DAPK1: variants seen among roughly 807,000 people sequenced by gnomAD.
DAPK1 encodes the protein death associated protein kinase 1, also known as death-associated protein kinase 1.
DAPK1 carries 56 observed loss-of-function variants against 144.9 expected under a neutral mutation model. The observed-to-expected ratio is 0.39, with a 90% CI of 0.31 to 0.48. DAPK1 has a LOEUF of 0.48. DAPK1 is among the 20% of genes least tolerant of loss of function. The pLI, the probability that DAPK1 is intolerant of heterozygous loss-of-function variation, is 0.95. For synonymous variants in DAPK1, 690 were observed against 749.0 expected (o/e 0.92, Z 1.29); for missense variants, 1,454 against 1,875.4 (o/e 0.78, Z 4.15).
At chr9:87,591,963 G>GTGTA (rs1564011622) in intron 2 of DAPK1, among the ~76,000 whole-genome samples, 1 of 152,206 alleles carries the variant, frequency 6.6e-6, no homozygotes, top group East Asian at 1.9e-4. Context: ...GGTGATACAC[G>GTGTA]TGTAACTAGA....
chr9:87,693,395 C>T (rs1315420954), intron 21 of DAPK1, among the ~76,000 whole-genome samples: 1 of 151,588 alleles, frequency 6.6e-6, no homozygotes, highest in Non-Finnish European at 1.5e-5. Flanking sequence ...CTGTTTTATT[C>T]AAGAAGTTCT....
At chr9:87,602,342 C>T (rs530309531) in intron 2 of DAPK1, among the ~76,000 whole-genome samples, 2 of 152,264 alleles carry the variant, frequency 1.3e-5, no homozygotes, top group South Asian at 4.1e-4. Flanking sequence ...GGGGACCCTG[C>T]AGTGTGAGTG....
At chr9:87,594,703 C>T (rs750352221) in intron 2 of DAPK1, among the ~76,000 whole-genome samples, 1 of 152,218 alleles carries the variant, frequency 6.6e-6, no homozygotes, top group Non-Finnish European at 1.5e-5. Flanking sequence ...ACCCAAAATA[C>T]CCAGCCCCAC....
At chr9:87,564,230 T>TC (rs1435400351) in intron 2 of DAPK1, among the ~76,000 whole-genome samples, 1 of 152,158 alleles carries the variant, frequency 6.6e-6, no homozygotes, top group Non-Finnish European at 1.5e-5. Context: ...CTGACTCAGA[T>TC]CCTGGCACAC....
intron 18 of DAPK1, among the ~76,000 whole-genome samples, chr9:87,659,682 C>T (rs1830762225): frequency 6.6e-6 from 1 of 152,178 alleles, no homozygotes; most frequent in Admixed American, 6.5e-5. Context: ...TCAGGTCCCT[C>T]CGTGCACCTC....
intron 2 of DAPK1, among the ~76,000 whole-genome samples, chr9:87,590,382 AAAAGAAAAG>A (rs1352772662): frequency 6.8e-6 from 1 of 147,648 alleles, no homozygotes; most frequent in Non-Finnish European, 1.5e-5. Context: ...AAAAAAAAAA[AAAAGAAAAG>A]AAAAGAAAAG....
chr9:87,632,919 T>TATATATATATATATATAC (rs1829755122), intron 3 of DAPK1: 1 of 931,594 alleles, frequency 1.1e-6, no homozygotes, highest in Non-Finnish European at 1.3e-6. Context: ...TATATATATA[T>TATATATATATATATATAC]ATAAATGAAG....
intron 17 of DAPK1, among the ~76,000 whole-genome samples, chr9:87,654,439 A>G (rs1340791893): frequency 1.3e-5 from 2 of 152,228 alleles, no homozygotes; most frequent in Non-Finnish European, 2.9e-5. Flanking sequence ...TTATACTTTT[A>G]TGTACACTTA....
At chr9:87,525,556 T>G in intron 2 of DAPK1, 1 of 949,614 alleles carries the variant, frequency 1.1e-6, no homozygotes, top group Non-Finnish European at 1.6e-6. Context: ...AATAAACATT[T>G]GAAAAAACAA....
At chr9:87,516,210 A>G (rs1298607299) in intron 2 of DAPK1, among the ~76,000 whole-genome samples, 1 of 151,620 alleles carries the variant, frequency 6.6e-6, no homozygotes, top group African/African-American at 2.4e-5. Context: ...CATTACTCCA[A>G]TTTTTCCCTT....
chr9:87,643,524 A>T lies in DAPK1; in HGVS notation c.1011+56A>T. 5.3e-6 allele frequency: 6 copies of T among 1,122,058 alleles called. No homozygotes were observed. The Admixed American group carries it at 6.3e-5, about 12-fold the overall frequency. 69.5% of individuals were successfully genotyped at this position (1,122,058 alleles called of 1,614,324 possible). ...TTCTTAGCACTGGGTACTCAGAATG[A>T]CCAAGCTGTTCTATTTGTTCAACCT... is the stretch of plus-strand genomic sequence containing the variant. On this transcript the variant is annotated intron_variant, in intron 11 of 25. Coordinates refer to ENST00000408954, the MANE Select transcript of DAPK1 (RefSeq NM_004938.4).
chr9:87,498,422 G>A (rs1824265362), intron 1 of DAPK1: 1 of 313,202 alleles, frequency 3.2e-6, no homozygotes, highest in Non-Finnish European at 5.8e-6. Context: ...CGCACGCCGG[G>A]TCGGCCGGGT....
At chr9:87,690,377 A>G (rs1389114645) in intron 21 of DAPK1, among the ~76,000 whole-genome samples, 1 of 151,960 alleles carries the variant, frequency 6.6e-6, no homozygotes, top group Admixed American at 6.6e-5. Flanking sequence ...TTACCTATTT[A>G]ATATGAATTT....
rs550891388 is a variant in DAPK1 at position 87,680,859 on chromosome 9, G to A, written c.2002-545G>A. On this transcript the variant is annotated intron_variant, in intron 19 of 25. Coordinates refer to ENST00000408954, the MANE Select transcript of DAPK1 (RefSeq NM_004938.4). ...GGGGGTGACACAAATGTTCTGGAAG[G>A]AGACAGCAGTGATGGTCCTGCAGCA... 6.6e-5 allele frequency among the ~76,000 whole-genome samples: 10 copies of A among 152,334 alleles called. No homozygotes were observed. In the East Asian group the frequency reaches 1.9e-3, roughly 29 times the overall value.
At chr9:87,622,680 G>T (rs1564028054) in intron 3 of DAPK1, among the ~76,000 whole-genome samples, 1 of 152,138 alleles carries the variant, frequency 6.6e-6, no homozygotes, top group African/African-American at 2.4e-5. Flanking sequence ...GGAGGCCGAG[G>T]CAGGTGGATT....
chr9:87,640,922 A>G, intron 9 of DAPK1, 75 bp downstream of exon 9: 1 of 1,383,572 alleles, frequency 7.2e-7, no homozygotes, highest in Non-Finnish European at 1.0e-6. Context: ...TTCATGTATC[A>G]TAGAGTACTG....
At chr9:87,570,540 A>G (rs1827293010) in intron 2 of DAPK1, among the ~76,000 whole-genome samples, 1 of 152,216 alleles carries the variant, frequency 6.6e-6, no homozygotes, top group Admixed American at 6.5e-5. Flanking sequence ...AAAAAAACCC[A>G]AAAAGCCAGT....
At chr9:87,581,810 A>G (rs768441743) in intron 2 of DAPK1, among the ~76,000 whole-genome samples, 2 of 152,196 alleles carry the variant, frequency 1.3e-5, no homozygotes, top group Non-Finnish European at 2.9e-5. Context: ...CAAACCAGCA[A>G]TTCATCTCAT....
intron 11 of DAPK1, among the ~76,000 whole-genome samples, chr9:87,644,464 C>T (rs886080468): frequency 6.6e-6 from 1 of 151,876 alleles, no homozygotes; most frequent in Non-Finnish European, 1.5e-5. Flanking sequence ...CCAAGCTCCC[C>T]TTTTTTCTCC....
Sources: allele counts gnomAD v4.1 joint callset (sites outside exome capture counted in the v4.1 genomes callset), GRCh38; gene constraint gnomAD v4.1.1; transcripts MANE v1.5; gene names NCBI Gene and HGNC (gene_info 2026-07-23, HGNC 2026-07-21).